ACYP2: variants seen among roughly 807,000 people sequenced by gnomAD.
ACYP2 encodes the protein acylphosphatase 2.
A neutral mutation model predicts 11.2 loss-of-function variants in ACYP2; 12 were observed. That is an observed-to-expected ratio of 1.08 (90% CI 0.69 to 1.74). The LOEUF (loss-of-function observed/expected upper bound fraction) is 1.74, where lower values mean the gene tolerates loss of function less well. Among genes scored for constraint, ACYP2 ranks in the 40% most tolerant of loss-of-function variants. ACYP2 has a pLI of 0.00. For missense variants in ACYP2, 134 were observed against 101.9 expected, an observed-to-expected ratio of 1.31 and a Z score of -1.35; for synonymous variants, 43 against 32.2, an observed-to-expected ratio of 1.33 and a Z score of -1.13.
intron 2 of ACYP2, among the ~76,000 whole-genome samples, chr2:54,046,299 T>C (rs1675521858): frequency 6.7e-6 from 1 of 149,752 alleles, no homozygotes; most frequent in Non-Finnish European, 1.5e-5. Flanking sequence ...GCCAACATGG[T>C]GAAACCCTGT....
At chr2:54,044,446 GAA>G (rs35003111) in intron 2 of ACYP2, among the ~76,000 whole-genome samples, 14 of 139,436 alleles carry the variant, frequency 1.0e-4, no homozygotes, top group South Asian at 6.8e-4. Context: ...AATACCAAAA[GAA>G]AAAAAAAAAA....
chr2:54,261,994 A>G (rs1687800693), intron 6 of ACYP2, among the ~76,000 whole-genome samples: 2 of 152,214 alleles, frequency 1.3e-5, no homozygotes, highest in Non-Finnish European at 2.9e-5. Context: ...TTACCAGGGC[A>G]TGGGAAATGA....
At chr2:54,002,753 G>C (rs1361486955) in intron 2 of ACYP2, among the ~76,000 whole-genome samples, 3 of 150,776 alleles carry the variant, frequency 2.0e-5, no homozygotes, top group Non-Finnish European at 4.4e-5. Flanking sequence ...CCAGGTTCAA[G>C]CAATTCTCCT....
chr2:54,229,172 A>G lies in ACYP2; in HGVS notation c.405-75516A>G, dbSNP rs549863676. Reference sequence around the variant, plus strand: ...TTATTTTCCTAACTTTACTAACATTATTTCTCCATTGTGGCAGCTCCCGCT... The same window carrying G: ...TTATTTTCCTAACTTTACTAACATTGTTTCTCCATTGTGGCAGCTCCCGCT... On this transcript the variant is annotated intron_variant, in intron 6 of 6. Transcript: ENST00000607452. 7.9e-5 allele frequency among the ~76,000 whole-genome samples: 12 copies of G among 152,210 alleles called. No homozygotes were observed. In the South Asian group the frequency reaches 1.7e-3, roughly 21 times the overall value.
intron 4 of ACYP2, among the ~76,000 whole-genome samples, chr2:54,109,955 G>A (rs1245490362): frequency 6.6e-6 from 1 of 151,870 alleles, no homozygotes; most frequent in South Asian, 2.1e-4. Context: ...TCTGTCCCAC[G>A]ATCCCACCAA....
intron 2 of ACYP2, among the ~76,000 whole-genome samples, chr2:54,002,006 A>G (rs775238356): frequency 1.3e-4 from 20 of 152,240 alleles, no homozygotes; most frequent in Non-Finnish European, 2.6e-4. Context: ...ACATTGACCC[A>G]TCATTATCAC....
intron 4 of ACYP2, among the ~76,000 whole-genome samples, chr2:54,093,114 C>A (rs13418039): frequency 0.2 from 29,752 of 152,042 alleles, 3,941 homozygotes; most frequent in African/African-American, 0.38. Context: ...TTGTGTGCCT[C>A]CTACATGTAA....
chr2:54,254,276 C>T (rs1459004377), intron 6 of ACYP2: 1 of 152,302 alleles, frequency 6.6e-6, no homozygotes, highest in Non-Finnish European at 1.5e-5. Flanking sequence ...TGTCCACCAC[C>T]AGTGTTCTGG....
At chr2:54,273,322 T>C (rs1445405053) in intron 6 of ACYP2, among the ~76,000 whole-genome samples, 2 of 152,216 alleles carry the variant, frequency 1.3e-5, no homozygotes, top group South Asian at 2.1e-4. Context: ...ACAATACTAG[T>C]ACATTAATTG....
intron 4 of ACYP2, among the ~76,000 whole-genome samples, chr2:54,122,183 T>C (rs143582296): frequency 2.0e-3 from 312 of 152,324 alleles, no homozygotes; most frequent in African/African-American, 7.2e-3. Flanking sequence ...CAGGATGAAA[T>C]GGTAGGTTAC....
At chr2:54,012,723 C>G (rs1367060477) in intron 2 of ACYP2, among the ~76,000 whole-genome samples, 1 of 152,158 alleles carries the variant, frequency 6.6e-6, no homozygotes, top group African/African-American at 2.4e-5. Context: ...GTTTCCCAAG[C>G]CTCCCAGTTG....
At chr2:54,083,813 C>T (rs746195884) in intron 4 of ACYP2, among the ~76,000 whole-genome samples, 1 of 152,078 alleles carries the variant, frequency 6.6e-6, no homozygotes, top group Non-Finnish European at 1.5e-5. Context: ...TGGCCAAATC[C>T]CATAAAATTG....
At chr2:54,085,918 TGAC>T (rs1677921656) in intron 4 of ACYP2, among the ~76,000 whole-genome samples, 6 of 152,106 alleles carry the variant, frequency 3.9e-5, no homozygotes, top group African/African-American at 1.2e-4. Flanking sequence ...TGACCTCTGG[TGAC>T]TCTAAAAGTT....
intron 4 of ACYP2, among the ~76,000 whole-genome samples, chr2:54,060,957 T>C (rs747103062): frequency 1.3e-5 from 2 of 152,188 alleles, no homozygotes; most frequent in Non-Finnish European, 2.9e-5. Context: ...CATTTTTAGA[T>C]GAAATTTCAG....
At chr2:54,232,635 A>T (rs1414584917) in intron 6 of ACYP2, among the ~76,000 whole-genome samples, 1 of 152,170 alleles carries the variant, frequency 6.6e-6, no homozygotes, top group Admixed American at 6.6e-5. Flanking sequence ...TGGGTAATTT[A>T]TAAATTAAAG....
intron 6 of ACYP2, among the ~76,000 whole-genome samples, chr2:54,157,915 T>C (rs905521707): frequency 2.6e-5 from 4 of 152,344 alleles, no homozygotes; most frequent in African/African-American, 7.2e-5. Flanking sequence ...CCAGTGCAGG[T>C]AGTGGGATCA....
intron 2 of ACYP2, among the ~76,000 whole-genome samples, chr2:53,994,295 A>T (rs539612458): frequency 7.9e-6 from 1 of 127,380 alleles, no homozygotes; most frequent in Non-Finnish European, 1.6e-5. Context: ...GCGCCCCTGC[A>T]CTCTAGCCTG....
intron 2 of ACYP2, among the ~76,000 whole-genome samples, chr2:54,049,496 C>T (rs1318898753): frequency 6.6e-6 from 1 of 152,164 alleles, no homozygotes; most frequent in Non-Finnish European, 1.5e-5. Context: ...TTGTCAAAAT[C>T]CTCCCTTTTA....
intron 6 of ACYP2, among the ~76,000 whole-genome samples, chr2:54,162,312 T>G (rs1434101667): frequency 2.0e-5 from 3 of 152,242 alleles, no homozygotes; most frequent in African/African-American, 7.2e-5. Context: ...TACCCCACTG[T>G]GTACAAAGGA....
Sources: gnomAD v4.1 joint callset for allele counts (sites outside exome capture counted in the v4.1 genomes callset) on GRCh38, gnomAD v4.1.1 for gene constraint, MANE v1.5 for transcripts, NCBI Gene and HGNC (gene_info 2026-07-23, HGNC 2026-07-21) for gene names.